The following KCNN2 variants were observed in gnomAD, a reference collection of about 807,000 sequenced individuals.
KCNN2 encodes the protein potassium calcium-activated channel subfamily N member 2, also known as small conductance calcium-activated potassium channel protein 2.
Under a neutral mutation model 55.5 loss-of-function variants are expected in KCNN2, and 24 were observed. The ratio of observed to expected loss-of-function variants is 0.43; its 90% confidence interval spans 0.31 to 0.61. The LOEUF is 0.61. KCNN2 is among the 20% of genes least tolerant of loss of function. The pLI, the probability that KCNN2 is intolerant of heterozygous loss-of-function variation, is 0.08. For missense variants in KCNN2, 754 were observed against 853.6 expected, an observed-to-expected ratio of 0.88 and a Z score of 1.45; for synonymous variants, 431 against 336.1, an observed-to-expected ratio of 1.28 and a Z score of -3.09.
At chr5:114,357,120 C>A (rs1239957875), upstream of KCNN2, among the ~76,000 whole-genome samples, 1 of 151,926 alleles carries the variant, frequency 6.6e-6, no homozygotes, top group East Asian at 1.9e-4. Flanking sequence ...TGCCAGGGAC[C>A]CCTGGTCTGA....
chr5:114,451,925 A>G (rs946530463), intron 3 of KCNN2, among the ~76,000 whole-genome samples: 116 of 151,948 alleles, frequency 7.6e-4, no homozygotes, highest in Middle Eastern at 3.4e-3. Context: ...ATCAAATGGA[A>G]TCCTGCCTAA....
intron 1 of KCNN2, among the ~76,000 whole-genome samples, chr5:114,090,102 T>C (rs1360487841): frequency 1.3e-5 from 2 of 152,216 alleles, no homozygotes; most frequent in Admixed American, 1.3e-4. Flanking sequence ...TATACTATAC[T>C]GTCATTCCAG....
chr5:114,255,947 A>G (rs570938395), intron 2 of KCNN2, among the ~76,000 whole-genome samples: 1 of 152,166 alleles, frequency 6.6e-6, no homozygotes, highest in African/African-American at 2.4e-5. Context: ...TAGGGGAACT[A>G]TCCCCTATAT....
chr5:114,358,264 GA>G (rs201149048), upstream of KCNN2, among the ~76,000 whole-genome samples: 4 of 151,900 alleles, frequency 2.6e-5, no homozygotes, highest in Non-Finnish European at 4.4e-5. Context: ...AAATTTACAA[GA>G]AAAAAACAAA....
intron 6 of KCNN2, among the ~76,000 whole-genome samples, chr5:114,491,645 T>G (rs1019661966): frequency 2.0e-5 from 3 of 151,976 alleles, no homozygotes; most frequent in African/African-American, 7.2e-5. Flanking sequence ...TTAACTGTTT[T>G]CCATCTTAAG....
chr5:114,219,480 C>T (rs1002731191), intron 1 of KCNN2, among the ~76,000 whole-genome samples: 26 of 152,118 alleles, frequency 1.7e-4, no homozygotes, highest in Non-Finnish European at 7.3e-5. Context: ...TAATCCTCAC[C>T]TGAAGTCCAC....
At chr5:114,386,341 C>G (rs1214418521) in intron 2 of KCNN2, among the ~76,000 whole-genome samples, 4 of 151,984 alleles carry the variant, frequency 2.6e-5, no homozygotes, top group Non-Finnish European at 5.9e-5. Flanking sequence ...CATCATGGAC[C>G]ATTTTATTGA....
chr5:114,202,168 G>A (rs1753685808), intron 1 of KCNN2, among the ~76,000 whole-genome samples: 3 of 151,978 alleles, frequency 2.0e-5, no homozygotes, highest in Admixed American at 6.6e-5. Context: ...GCCCAGCTGC[G>A]GCTGCTCCAG....
rs1258963548 is a variant in KCNN2 at position 114,362,581 on chromosome 5, G to C, written c.442G>C (p.Ala148Pro). 3 of 707,446 alleles carry C rather than the reference G, an allele frequency of 4.2e-6. No homozygotes were observed. The highest frequency in any genetic ancestry group is 6.7e-6 in the Non-Finnish European group (3 of 450,962). 43.8% of individuals were successfully genotyped at this position (707,446 alleles called of 1,614,324 possible). The change falls in exon 1 of 8, where the codon GCG (alanine) becomes CCG (proline). Residue 148 changes from alanine to proline, a missense_variant. Physicochemically the swap from Ala to Pro is conservative, Grantham distance 27 (BLOSUM62 -1). Around this residue, in one of 4 missense-constraint regions of KCNN2, gnomAD observed 381 missense variants for 259.1 expected, o/e 1.47. Coordinates refer to ENST00000673685, the MANE Select transcript of KCNN2 (RefSeq NM_021614.4). The part of the protein sequence containing the change: ...ALRQQYAQQS[A>P]QQSASASQYH... ...CCGGCAGCAGTACGCGCAGCAGTCCGCGCAGCAGTCGGCGTCCGCCTCCCA... is the reference window on the plus strand; with the variant it reads ...CCGGCAGCAGTACGCGCAGCAGTCCCCGCAGCAGTCGGCGTCCGCCTCCCA...
intron 1 of KCNN2, among the ~76,000 whole-genome samples, chr5:114,185,355 C>T (rs760063566): frequency 2.9e-4 from 44 of 152,220 alleles, no homozygotes; most frequent in Non-Finnish European, 5.9e-4. Flanking sequence ...ACATGAAAAT[C>T]TTGAAACGTA....
chr5:114,136,289 G>GT (rs1441714012), intron 1 of KCNN2, among the ~76,000 whole-genome samples: 4 of 152,156 alleles, frequency 2.6e-5, no homozygotes, highest in South Asian at 2.1e-4. Context: ...GGTTAGAACT[G>GT]TGAGTTCAGC....
chr5:114,388,231 C>T (rs963315932), intron 2 of KCNN2, among the ~76,000 whole-genome samples: 1 of 152,110 alleles, frequency 6.6e-6, no homozygotes, highest in Admixed American at 6.6e-5. Context: ...GTTTTCACTG[C>T]TTCTATCTTT....
chr5:114,117,719 G>T (rs1044505226), intron 1 of KCNN2, among the ~76,000 whole-genome samples: 1 of 152,160 alleles, frequency 6.6e-6, no homozygotes, highest in Non-Finnish European at 1.5e-5. Context: ...GGGAAGAACT[G>T]CATGACCCAA....
chr5:114,150,375 C>G (rs1031912604), intron 1 of KCNN2, among the ~76,000 whole-genome samples: 7 of 152,170 alleles, frequency 4.6e-5, no homozygotes, highest in African/African-American at 1.4e-4. Flanking sequence ...TTTGACAAAC[C>G]TGAAAAACCA....
At chr5:114,475,314 T>G (rs1761916702) in intron 5 of KCNN2, among the ~76,000 whole-genome samples, 2 of 151,942 alleles carry the variant, frequency 1.3e-5, no homozygotes, top group African/African-American at 4.8e-5. Flanking sequence ...TCCTGTGTGT[T>G]CTGGATGTTT....
intron 2 of KCNN2, among the ~76,000 whole-genome samples, chr5:114,318,548 TATC>T (rs1203033630): frequency 1.3e-5 from 2 of 151,680 alleles, no homozygotes; most frequent in Non-Finnish European, 2.9e-5. Context: ...ATCATACACT[TATC>T]ATAACAATGA....
intron 4 of KCNN2, among the ~76,000 whole-genome samples, chr5:114,466,924 G>A (rs761714484): frequency 2.0e-5 from 3 of 151,964 alleles, no homozygotes; most frequent in Admixed American, 1.3e-4. Context: ...TAAAGCTTTC[G>A]CAGTTCATAG....
In KCNN2 at chr5:114,496,299, T is replaced by C; in HGVS notation, c.*117T>C. 2 of 1,149,698 alleles carry C rather than the reference T, an allele frequency of 1.7e-6. No individual in the cohort carries two copies. The highest frequency in any genetic ancestry group is 2.4e-6 in the Non-Finnish European group (2 of 830,050). The allele number at this position is 1,149,698 out of a possible 1,614,324, so 71.2% of individuals were successfully genotyped here. ...CGTTATCCGGGTTCTGATGTCAGAA[T>C]CCTGGGAACCTGAACACTAAGTTTT... On this transcript the variant is annotated 3_prime_UTR_variant, in exon 8 of 8. Coordinates refer to ENST00000673685, the MANE Select transcript of KCNN2 (RefSeq NM_021614.4).
At chr5:114,470,109 T>C (rs897869536) in intron 4 of KCNN2, among the ~76,000 whole-genome samples, 5 of 152,154 alleles carry the variant, frequency 3.3e-5, no homozygotes, top group African/African-American at 4.8e-5. Flanking sequence ...CGGTGAGAAA[T>C]GGGCCAGTAG....
Sources: gnomAD v4.1 joint callset for allele counts (sites outside exome capture counted in the v4.1 genomes callset) on GRCh38, gnomAD v4.1.1 for gene constraint, gnomAD v4.1.1 regional missense constraint, MANE v1.5 for transcripts, NCBI Gene and HGNC (gene_info 2026-07-23, HGNC 2026-07-21) for gene names.